C15orf39: variants seen among roughly 807,000 people sequenced by gnomAD.
C15orf39 encodes uncharacterized protein C15orf39.
A neutral mutation model predicts 53.9 loss-of-function variants in C15orf39; 24 were observed. The ratio of observed to expected loss-of-function variants is 0.45; its 90% confidence interval spans 0.32 to 0.63. The LOEUF (loss-of-function observed/expected upper bound fraction) is 0.63. C15orf39 is among the 20% of genes least tolerant of loss of function. The pLI, the probability that C15orf39 is intolerant of heterozygous loss-of-function variation, is 0.04. For synonymous variants in C15orf39, 569 were observed against 576.5 expected (o/e 0.99, Z 0.19); for missense variants, 1,271 against 1,347.9 (o/e 0.94, Z 0.89).
chr15:75,206,923 C>A lies in C15orf39; in HGVS notation c.875C>A (p.Pro292Gln). The change falls in exon 2 of 3, where the codon CCA becomes CAA. Residue 292 changes from proline to glutamine, a missense_variant. Physicochemically the swap from Pro to Gln is moderately conservative, Grantham distance 76 (BLOSUM62 -1). Transcript: ENST00000394987. Reference sequence around the variant, plus strand: ...CCTTGCCCTCCAGCCTGTCGCCACCCAGAGAAGCAGGGCAGCTACAGCCCA... The same window carrying A: ...CCTTGCCCTCCAGCCTGTCGCCACCAAGAGAAGCAGGGCAGCTACAGCCCA... ...ALPCPPACRH[P>Q]EKQGSYSPAL... 1 of 1,537,724 alleles carries A rather than the reference C, an allele frequency of 6.5e-7. No individual in the cohort carries two copies. Among genetic ancestry groups the A allele is most frequent in the East Asian group, 2.3e-5 (1 of 44,028 alleles).
chr15:75,199,437 G>A (rs143001709), upstream of C15orf39, among the ~76,000 whole-genome samples: 77 of 152,274 alleles, frequency 5.1e-4, 1 homozygote, highest in East Asian at 0.013. Flanking sequence ...TGTGTCTTAG[G>A]GAAAGGTGCC....
intron 1 of C15orf39, among the ~76,000 whole-genome samples, chr15:75,204,269 T>A (rs2070423246): frequency 6.6e-6 from 1 of 152,214 alleles, no homozygotes; most frequent in Non-Finnish European, 1.5e-5. Flanking sequence ...GGTAGGTCAG[T>A]GTGGCCCCAG....
At chr15:75,200,997 G>T (rs1297656511), upstream of C15orf39, among the ~76,000 whole-genome samples, 10 of 152,004 alleles carry the variant, frequency 6.6e-5, no homozygotes, top group Non-Finnish European at 4.4e-5. Context: ...GGATAGTTTT[G>T]CTTCCTGAAC....
intron 1 of C15orf39, among the ~76,000 whole-genome samples, chr15:75,205,610 C>T (rs1031989396): frequency 5.9e-5 from 9 of 152,078 alleles, no homozygotes; most frequent in Admixed American, 3.9e-4. Flanking sequence ...TCACATGAGT[C>T]CAGGAGTTCA....
In C15orf39 at chr15:75,208,193, T is replaced by A; in HGVS notation, c.2145T>A (p.Ala715=). The change falls in exon 2 of 3, where the codon GCT becomes GCA. Residue 715 remains alanine (A), a synonymous_variant. Transcript: ENST00000394987. ...SLALPSPPAV[A]VASPAPAPAP... ...CACTGCCCAGCCCTCCAGCCGTAGC[T>A]GTGGCCTCCCCTGCCCCTGCTCCAG... 6.2e-7 allele frequency: 1 copy of A among 1,613,826 alleles called. No homozygotes were observed. Among genetic ancestry groups the A allele is most frequent in the Non-Finnish European group, 8.5e-7 (1 of 1,179,984 alleles).
In C15orf39 at chr15:75,206,023, T is replaced by C; in HGVS notation, c.-26T>C. 6.5e-7 allele frequency: 1 copy of C among 1,548,910 alleles called. No individual in the cohort carries two copies. Among genetic ancestry groups the C allele is most frequent in the Admixed American group, 1.9e-5 (1 of 51,490 alleles). On this transcript the variant is annotated 5_prime_UTR_variant, in exon 2 of 3. Coordinates refer to ENST00000394987, the MANE Select transcript of C15orf39 (RefSeq NM_015492.5). The stretch of plus-strand genomic sequence containing the variant: ...GGTCAGAAGTTGAGTAGCAGGGGCC[T>C]AGGAGGGCTCGAAGCCTTCACAGCG...
At chr15:75,202,647 C>G (rs1400162921) in intron 1 of C15orf39, among the ~76,000 whole-genome samples, 2 of 152,234 alleles carry the variant, frequency 1.3e-5, no homozygotes, top group Non-Finnish European at 2.9e-5. Flanking sequence ...GACCTCCCGC[C>G]GGTCCGCGGG....
At chr15:75,201,171 C>A (rs1019598973), upstream of C15orf39, among the ~76,000 whole-genome samples, 1 of 152,136 alleles carries the variant, frequency 6.6e-6, no homozygotes, top group African/African-American at 2.4e-5. The surrounding 1 kb of genome is among the most constrained non-coding windows in gnomAD (Gnocchi z 4.7). Flanking sequence ...GGGAGAGGCA[C>A]CCCTTCCCCC....
intron 1 of C15orf39, among the ~76,000 whole-genome samples, chr15:75,205,757 G>A (rs1048984659): frequency 6.6e-6 from 1 of 152,090 alleles, no homozygotes; most frequent in African/African-American, 2.4e-5. Flanking sequence ...TTGAGACTGC[G>A]GTGAGCCAAG....
rs1567138848 is a variant in C15orf39, at chr15:75,207,116, C to A, written c.1068C>A (p.Gly356=). The change falls in exon 2 of 3, where the codon GGC becomes GGA. Residue 356 remains glycine (G), a synonymous_variant. Transcript: ENST00000394987. ...CCCCTCTCCCAGCACCCTCTCCAGG[C>A]CTCAAGCTGGAGCCGCCTCTCACTC... The part of the protein sequence containing the change: ...PSAPLPAPSP[G]LKLEPPLTPR... 1.9e-6 allele frequency: 3 copies of A among 1,613,566 alleles called. No individual in the cohort carries two copies. The highest frequency in any genetic ancestry group is 2.5e-6 in the Non-Finnish European group (3 of 1,179,972).
In C15orf39 at chr15:75,207,623, T is replaced by TGCACAG. The variant is rs773405573; in HGVS notation, c.1576_1577insCACAGG (p.Thr525_Glu526insAlaGln). 4 of 1,612,378 alleles carry TGCACAG rather than the reference T, an allele frequency of 2.5e-6. No individual in the cohort carries two copies. The highest frequency in any genetic ancestry group is 3.4e-6 in the Non-Finnish European group (4 of 1,179,786). On this transcript the variant is annotated inframe_insertion, in exon 2 of 3. Transcript: ENST00000394987. The stretch of plus-strand genomic sequence containing the variant: ...ATGTGCCGGCACCCGAGGCCACAAC[T>TGCACAG]GAGCCTGACTCTGCCACAGCTGAGC...
In C15orf39 at chr15:75,211,151, T is replaced by C. The variant is rs374007578; in HGVS notation, c.*35T>C. On this transcript the variant is annotated 3_prime_UTR_variant, in exon 3 of 3. Coordinates refer to ENST00000394987, the MANE Select transcript of C15orf39 (RefSeq NM_015492.5). ...CCAGTGCTGTGTGTATAGCAGTCAC[T>C]CTCCACCCTTCCCTTCTGCCTGCCC... is the stretch of plus-strand genomic sequence containing the variant. 6.5e-6 allele frequency: 10 copies of C among 1,541,038 alleles called. No individual in the cohort carries two copies. The highest frequency in any genetic ancestry group is 8.7e-6 in the Non-Finnish European group (10 of 1,147,332).
Position 75,211,661 on chromosome 15 carries a change from G to T in C15orf39, c.*545G>T, listed in dbSNP as rs949081029. 2 of 152,282 alleles carry T rather than the reference G, an allele frequency of 1.3e-5. No homozygotes were observed. The highest frequency in any genetic ancestry group is 6.5e-5 in the Admixed American group (1 of 15,280). The allele number at this position is 152,282 out of a possible 1,614,324, so 9.4% of individuals were successfully genotyped here. On this transcript the variant is annotated 3_prime_UTR_variant, in exon 3 of 3. Transcript: ENST00000394987. ...GTGGATGTGACTCACACTTTCAGGA[G>T]TCACCCCCCAGCATTTGGGGTTGGG...
Position 75,206,801 on chromosome 15 carries a change from C to G in C15orf39, c.753C>G (p.Thr251=), listed in dbSNP as rs144078010. The G allele has an allele frequency of 1.9e-5, 31 of 1,607,594 alleles. No homozygotes were observed. Among genetic ancestry groups the G allele is most frequent in the Non-Finnish European group, 2.6e-5 (31 of 1,177,082 alleles). Residue 251 remains threonine, a synonymous_variant, in exon 2 of 3, where the codon ACC becomes ACG. Coordinates refer to ENST00000394987, the MANE Select transcript of C15orf39 (RefSeq NM_015492.5). The stretch of plus-strand genomic sequence containing the variant: ...CTGAGGGGCCCTCAAGTCCTTGGAC[C>G]CAGCTGGCCCAGCCCCTGGGGCCAC... ...AMSEGPSSPW[T]QLAQPLGPPC...
At position 75,206,855 on chromosome 15, in the gene C15orf39, C is replaced by T; in HGVS notation, c.807C>T (p.Tyr269=). 3 of 992,494 alleles carry T rather than the reference C, an allele frequency of 3.0e-6. No individual in the cohort carries two copies. Among genetic ancestry groups the T allele is most frequent in the East Asian group, 4.1e-5 (1 of 24,568 alleles). 61.5% of individuals were successfully genotyped at this position (992,494 alleles called of 1,614,324 possible). ...GTCAGGACACCGGGCCCACCCACTA[C>T]CCACCACCCCACCACCCACCACCCC... ...PPCQDTGPTH[Y]PPPHHPPPHP... is the part of the protein sequence containing the mutation. Residue 269 remains tyrosine, a synonymous_variant, in exon 2 of 3, where the codon TAC becomes TAT. Transcript: ENST00000394987.
chr15:75,211,293 G>A lies in C15orf39; in HGVS notation c.*177G>A. The A allele has an allele frequency of 1.3e-6, 1 of 787,438 alleles. No individual in the cohort carries two copies. Among genetic ancestry groups the A allele is most frequent in the Non-Finnish European group, 1.9e-6 (1 of 519,200 alleles). The allele number at this position is 787,438 out of a possible 1,614,324, so 48.8% of individuals were successfully genotyped here. ...TGAAGAGCCCCTGAGCTTTTAACGTGAGGGTCTTTATTGGATAGGACTACT... is the reference window on the plus strand; with the variant it reads ...TGAAGAGCCCCTGAGCTTTTAACGTAAGGGTCTTTATTGGATAGGACTACT... On this transcript the variant is annotated 3_prime_UTR_variant, in exon 3 of 3. Coordinates refer to ENST00000394987, the MANE Select transcript of C15orf39 (RefSeq NM_015492.5).
At position 75,212,001 on chromosome 15, in the gene C15orf39, C is replaced by T. The variant is rs2070487366; in HGVS notation, c.*885C>T. On this transcript the variant is annotated 3_prime_UTR_variant, in exon 3 of 3. Coordinates refer to ENST00000394987, the MANE Select transcript of C15orf39 (RefSeq NM_015492.5). ...TCTCTGAAGATCTGGACTGAGGACC[C>T]TGCTGCTCCCCAAGCCAGAGCCCAT... The T allele has an allele frequency of 6.6e-6, 1 of 152,228 alleles. No individual in the cohort carries two copies. The highest frequency in any genetic ancestry group is 1.5e-5 in the Non-Finnish European group (1 of 68,076). 9.4% of individuals were successfully genotyped at this position (152,228 alleles called of 1,614,324 possible). A position where few individuals can be genotyped will look rare whatever the true frequency, so the allele number is the denominator to read the frequency against.
chr15:75,198,889 GCCACTCA>G (rs2070386469), upstream of C15orf39: 1 of 152,188 alleles, frequency 6.6e-6, no homozygotes, highest in Admixed American at 6.6e-5. Context: ...CTTTCCAGCT[GCCACTCA>G]GCAACTGCCA....
chr15:75,210,878 C>T lies in C15orf39; in HGVS notation c.2906C>T (p.Pro969Leu). ...PKVRKPGRKPPTPGPEKAEAA... is the reference protein window; with the variant it reads ...PKVRKPGRKPLTPGPEKAEAA... ...GTCAGGAAGCCAGGCAGGAAGCCAC[C>T]AACCCCTGGCCCGGAGAAAGCAGAG... The change falls in exon 3 of 3, where the codon CCA becomes CTA. Residue 969 changes from proline (P) to leucine (L), a missense_variant. By Grantham distance (98) the Pro-to-Leu change is moderately conservative. Transcript: ENST00000394987. 3 of 1,613,834 alleles carry T rather than the reference C, an allele frequency of 1.9e-6. No individual in the cohort carries two copies. The highest frequency in any genetic ancestry group is 4.5e-5 in the East Asian group (2 of 44,890).
Sources: gnomAD v4.1 joint callset for allele counts (sites outside exome capture counted in the v4.1 genomes callset) on GRCh38, gnomAD v4.1.1 for gene constraint, Gnocchi (gnomAD v3.1) non-coding constraint, MANE v1.5 for transcripts, NCBI Gene and HGNC (gene_info 2026-07-23, HGNC 2026-07-21) for gene names.